The following ZYG11B variants were observed in gnomAD, a reference collection of about 807,000 sequenced individuals.
The protein encoded by ZYG11B is zyg-11 family member B, cell cycle regulator, also known as protein zyg-11 homolog B.
ZYG11B carries 36 observed loss-of-function variants against 82.4 expected under a neutral mutation model. The observed-to-expected ratio is 0.44, with a 90% CI of 0.33 to 0.58. The LOEUF is 0.58. Ranked by LOEUF, ZYG11B falls within the 20% of genes least tolerant of loss-of-function variation. The probability of loss-of-function intolerance (pLI) is 0.02; values close to 1 mark genes in which losing one functional copy is unlikely to be tolerated. For missense variants in ZYG11B, 552 were observed against 895.6 expected (o/e 0.62, Z 4.90); for synonymous variants, 303 against 312.8 (o/e 0.97, Z 0.33).
chr1:52,792,870 C>T (rs1282228044), intron 6 of ZYG11B, among the ~76,000 whole-genome samples: 3 of 152,216 alleles, frequency 2.0e-5, no homozygotes, highest in East Asian at 1.9e-4. Flanking sequence ...GACAGAGTTT[C>T]GCTCTTGTTG....
At chr1:52,775,552 A>G (rs1273373952) in intron 3 of ZYG11B, among the ~76,000 whole-genome samples, 2 of 151,958 alleles carry the variant, frequency 1.3e-5, no homozygotes, top group African/African-American at 2.4e-5. Flanking sequence ...TTAGCCAGGC[A>G]TGGTGGCACA....
rs1403419367 is a variant in ZYG11B at position 52,826,710 on chromosome 1, G to A, written c.*5081G>A. ...CTCTAAAGTAAAGCTCTTTTGGATA[G>A]CACAGCCTAACTTTACAGCTAGACA... On this transcript the variant is annotated 3_prime_UTR_variant, in exon 14 of 14. Transcript: ENST00000294353. 1 of 152,126 alleles carries A rather than the reference G, an allele frequency of 6.6e-6. No homozygotes were observed. Among genetic ancestry groups the A allele is most frequent in the Non-Finnish European group, 1.5e-5 (1 of 68,030 alleles). The allele number at this position is 152,126 out of a possible 1,614,324, so 9.4% of individuals were successfully genotyped here.
intron 1 of ZYG11B, among the ~76,000 whole-genome samples, chr1:52,731,470 T>C (rs928356604): frequency 6.6e-6 from 1 of 152,108 alleles, no homozygotes; most frequent in Non-Finnish European, 1.5e-5. Flanking sequence ...ATAGAATACA[T>C]AGCAACAGGA....
At chr1:52,739,383 ATTCC>A (rs1201320742) in intron 1 of ZYG11B, among the ~76,000 whole-genome samples, 1 of 152,126 alleles carries the variant, frequency 6.6e-6, no homozygotes, top group Admixed American at 6.6e-5. Context: ...CCTCTGTGTG[ATTCC>A]TTCCATCTCT....
chr1:52,729,767 G>C (rs897442698), intron 1 of ZYG11B, among the ~76,000 whole-genome samples: 1 of 152,100 alleles, frequency 6.6e-6, no homozygotes, highest in Non-Finnish European at 1.5e-5. Flanking sequence ...TTGAACCCAG[G>C]AGGTGGAGGT....
intron 8 of ZYG11B, among the ~76,000 whole-genome samples, chr1:52,800,819 A>T (rs928143201): frequency 4.0e-5 from 6 of 151,836 alleles, no homozygotes; most frequent in African/African-American, 4.8e-5. Flanking sequence ...CAAAAAAATT[A>T]AAAAAAAGGA....
chr1:52,744,719 G>C (rs1644462484), intron 1 of ZYG11B, among the ~76,000 whole-genome samples: 1 of 152,142 alleles, frequency 6.6e-6, no homozygotes. Flanking sequence ...GCACGCGCCT[G>C]TAGTCCCAGC....
chr1:52,735,456 T>C (rs1644371436), intron 1 of ZYG11B, among the ~76,000 whole-genome samples: 1 of 152,206 alleles, frequency 6.6e-6, no homozygotes, highest in Non-Finnish European at 1.5e-5. Context: ...TTCAGGCTCA[T>C]AAATGAAAGA....
Position 52,756,497 on chromosome 1 carries a change from A to C in ZYG11B, c.70A>C (p.Asn24His). The C allele has an allele frequency of 1.2e-6, 2 of 1,614,052 alleles. No homozygotes were observed. Among genetic ancestry groups the C allele is most frequent in the Non-Finnish European group, 1.7e-6 (2 of 1,179,978 alleles). The change falls in exon 2 of 14, where the codon AAT (asparagine) becomes CAT (histidine). Residue 24 changes from asparagine to histidine, a missense_variant. By Grantham distance (68) the Asn-to-His change is moderately conservative. This residue lies in a region of ZYG11B where 359 missense variants were observed against 555.8 expected (regional missense o/e 0.65). Coordinates refer to ENST00000294353, the MANE Select transcript of ZYG11B (RefSeq NM_024646.3). ...SPYSLLDICL[N>H]FLTTHLEKFC... ...CTATTCCTTACTTGATATCTGCTTG[A>C]ATTTCTTGACTACTCACCTTGAGAA...
rs988230644 is a variant in ZYG11B, at chr1:52,734,912, A to G, written c.30+8229A>G. Among the ~76,000 whole-genome samples the G allele has an allele frequency of 2.0e-5, 3 of 149,384 alleles. No homozygotes were observed. The Admixed American group carries it at 2.0e-4, about 10-fold the overall frequency. ...CTCAGCTAATTTTTGTATTTTTGGT[A>G]GAGACAGGGTTTCTCCATGTTGGTC... On this transcript the variant is annotated intron_variant, in intron 1 of 13. Coordinates refer to ENST00000294353, the MANE Select transcript of ZYG11B (RefSeq NM_024646.3).
intron 3 of ZYG11B, among the ~76,000 whole-genome samples, chr1:52,774,825 C>A (rs1270498315): frequency 6.6e-6 from 1 of 151,910 alleles, no homozygotes; most frequent in Non-Finnish European, 1.5e-5. Flanking sequence ...TCTTCTGTTA[C>A]CATCAGTTTC....
chr1:52,797,176 ATATTTATATATTATATATAAAT>A (rs1645025351), intron 8 of ZYG11B, among the ~76,000 whole-genome samples: 1 of 70,058 alleles, frequency 1.4e-5, no homozygotes, highest in Non-Finnish European at 2.3e-5. Flanking sequence ...TATATTATAT[ATATTTATATATTATATATAAAT>A]TATTTATATA....
chr1:52,820,839 G>T (rs1177701621), intron 13 of ZYG11B, among the ~76,000 whole-genome samples: 1 of 151,758 alleles, frequency 6.6e-6, no homozygotes, highest in Non-Finnish European at 1.5e-5. Flanking sequence ...TATGGCTCAT[G>T]CCTGTAATTC....
intron 1 of ZYG11B, among the ~76,000 whole-genome samples, chr1:52,744,608 C>G (rs1367447084): frequency 6.6e-6 from 1 of 152,158 alleles, no homozygotes; most frequent in Non-Finnish European, 1.5e-5. Flanking sequence ...TTTGGGAGGC[C>G]AAGGCGGGCG....
chr1:52,803,321 C>T (rs1174389374), intron 10 of ZYG11B, among the ~76,000 whole-genome samples: 1 of 133,522 alleles, frequency 7.5e-6, no homozygotes, highest in Non-Finnish European at 1.6e-5. Context: ...CATATAATCC[C>T]ATCTACTTGG....
chr1:52,737,580 A>T (rs1175724715), intron 1 of ZYG11B, among the ~76,000 whole-genome samples: 1 of 152,152 alleles, frequency 6.6e-6, no homozygotes, highest in Non-Finnish European at 1.5e-5. Context: ...CACCTGGCTA[A>T]CATAGTGGGA....
intron 2 of ZYG11B, among the ~76,000 whole-genome samples, chr1:52,770,610 C>T (rs959868259): frequency 6.6e-6 from 1 of 152,126 alleles, no homozygotes; most frequent in Non-Finnish European, 1.5e-5. Context: ...GAAGTCTCCT[C>T]GTTTGTCATA....
At chr1:52,749,690 G>T (rs138147872) in intron 1 of ZYG11B, among the ~76,000 whole-genome samples, 1 of 151,680 alleles carries the variant, frequency 6.6e-6, no homozygotes, top group African/African-American at 2.4e-5. Context: ...CGCAACCTCC[G>T]CCTCCCGGGT....
intron 1 of ZYG11B, among the ~76,000 whole-genome samples, chr1:52,751,221 C>G (rs1006050034): frequency 2.6e-5 from 4 of 151,770 alleles, no homozygotes; most frequent in African/African-American, 4.8e-5. Flanking sequence ...CCCAAGTGAT[C>G]CTCCCAAAGT....
Sources: allele counts gnomAD v4.1 joint callset (sites outside exome capture counted in the v4.1 genomes callset), GRCh38; gene constraint gnomAD v4.1.1; regional missense constraint gnomAD v4.1.1; transcripts MANE v1.5; gene names NCBI Gene and HGNC (gene_info 2026-07-23, HGNC 2026-07-21).